Variants in SUPT3H observed in about 807,000 individuals in gnomAD.
SUPT3H encodes the protein transcription initiation protein SPT3 homolog.
Under a neutral mutation model 44.3 loss-of-function variants are expected in SUPT3H, and 44 were observed. The ratio of observed to expected loss-of-function variants is 0.99; its 90% CI spans 0.78 to 1.28. The LOEUF (loss-of-function observed/expected upper bound fraction) is 1.28, where lower values mean the gene tolerates loss of function less well. SUPT3H is among the 50% of genes most tolerant of loss of function. The pLI is 0.00. For synonymous variants in SUPT3H, 124 were observed against 125.6 expected (o/e 0.99, Z 0.09); for missense variants, 380 against 387.1 (o/e 0.98, Z 0.15).
chr6:45,091,286 T>G (rs1329614354), intron 3 of SUPT3H, among the ~76,000 whole-genome samples: 1 of 152,150 alleles, frequency 6.6e-6, no homozygotes, highest in African/African-American at 2.4e-5. Flanking sequence ...AAAAGAAGAT[T>G]GTGCTTACCT....
At chr6:45,063,521 A>C (rs537575728) in intron 3 of SUPT3H, among the ~76,000 whole-genome samples, 14,562 of 117,754 alleles carry the variant, frequency 0.12, 801 homozygotes, top group East Asian at 0.22. Context: ...GAGCTATGGG[A>C]GGACATTCAA....
chr6:45,015,292 T>C (rs1038708506), intron 4 of SUPT3H, among the ~76,000 whole-genome samples: 3 of 152,138 alleles, frequency 2.0e-5, no homozygotes, highest in Admixed American at 1.3e-4. Flanking sequence ...CAAACTGGTA[T>C]GCAAGGGTAA....
intron 3 of SUPT3H, among the ~76,000 whole-genome samples, chr6:45,043,974 T>C (rs1205259331): frequency 1.3e-5 from 2 of 152,210 alleles, no homozygotes; most frequent in Non-Finnish European, 1.5e-5. Flanking sequence ...AATTTATTAA[T>C]TTCAGGTATG....
At chr6:44,953,900 C>CT (rs935484221) in intron 8 of SUPT3H, among the ~76,000 whole-genome samples, 20 of 151,760 alleles carry the variant, frequency 1.3e-4, no homozygotes, top group African/African-American at 4.1e-4. Flanking sequence ...GCCCGGCTAA[C>CT]TTTTTTTTGG....
chr6:45,019,860 A>G (rs1189373877), intron 4 of SUPT3H, among the ~76,000 whole-genome samples: 1 of 151,944 alleles, frequency 6.6e-6, no homozygotes, highest in Non-Finnish European at 1.5e-5. Context: ...AATAGTGAAG[A>G]TTTTCATTTT....
In SUPT3H at chr6:45,095,263, A is replaced by G. The variant is rs1171298601; in HGVS notation, c.186+10659T>C. On this transcript the variant is annotated intron_variant, in intron 3 of 10. Coordinates refer to ENST00000371459, the MANE Select transcript of SUPT3H (RefSeq NM_003599.4). This position sits in a 1 kb window ranked among gnomAD's most constrained non-coding sequence, Gnocchi z 4.1. ...AATTATATTAGTTTGTCCTATTTTG[A>G]TAACCCTTATAATTGAAATTCTACA... 6.6e-6 allele frequency among the ~76,000 whole-genome samples: 1 copy of G among 152,114 alleles called. No homozygotes were observed. The highest frequency in any genetic ancestry group is 2.4e-5 in the African/African-American group (1 of 41,430).
At chr6:45,248,644 G>T (rs959023761) in intron 2 of SUPT3H, among the ~76,000 whole-genome samples, 1 of 152,042 alleles carries the variant, frequency 6.6e-6, no homozygotes, top group Admixed American at 6.6e-5. Flanking sequence ...CATTGGTCAG[G>T]CGTGGCTCTT....
rs1583143329 is a variant in SUPT3H at position 45,027,273 on chromosome 6, G to A, written c.187-6641C>T. Among the ~76,000 whole-genome samples the A allele has an allele frequency of 5.3e-5, 8 of 152,178 alleles. 1 individual carries two copies. The highest frequency in any genetic ancestry group is 2.1e-4 in the South Asian group (1 of 4,822). On this transcript the variant is annotated intron_variant, in intron 3 of 10. Coordinates refer to ENST00000371459, the MANE Select transcript of SUPT3H (RefSeq NM_003599.4). ...CCCAAAGTGCTGGGATTACAGGCAC[G>A]TAGGAGCTACCGTGCCCAGACTGGA...
chr6:44,877,468 CAA>C (rs5875897), intron 10 of SUPT3H, among the ~76,000 whole-genome samples: 2,704 of 122,428 alleles, frequency 0.022, 68 homozygotes, highest in African/African-American at 0.077. Flanking sequence ...GACTCAGTCT[CAA>C]AAAAAAAAAA....
At chr6:45,262,183 C>G (rs1774480320) in intron 2 of SUPT3H, among the ~76,000 whole-genome samples, 1 of 152,106 alleles carries the variant, frequency 6.6e-6, no homozygotes, top group Non-Finnish European at 1.5e-5. Context: ...CTATTCCTAT[C>G]AAACCACCAA....
intron 10 of SUPT3H, among the ~76,000 whole-genome samples, chr6:44,834,516 A>C (rs1211990041): frequency 6.6e-6 from 1 of 152,204 alleles, no homozygotes; most frequent in Non-Finnish European, 1.5e-5. Flanking sequence ...TTGGAAACTA[A>C]GCCTGCTAAA....
chr6:44,840,651 C>T (rs1770788635), intron 10 of SUPT3H, among the ~76,000 whole-genome samples: 2 of 152,176 alleles, frequency 1.3e-5, no homozygotes, highest in South Asian at 4.1e-4. Flanking sequence ...CAGAACATGT[C>T]TATAAACAAA....
chr6:45,157,659 C>T (rs1181311691), intron 2 of SUPT3H, among the ~76,000 whole-genome samples: 6 of 151,924 alleles, frequency 3.9e-5, no homozygotes, highest in African/African-American at 9.7e-5. Context: ...AGCTATTCTC[C>T]TGCCTCAGCC....
intron 2 of SUPT3H, among the ~76,000 whole-genome samples, chr6:45,295,527 A>G: frequency 7.5e-6 from 1 of 132,824 alleles, no homozygotes; most frequent in Non-Finnish European, 1.6e-5. Flanking sequence ...TGCACAGCAA[A>G]AAAAAAAAAA....
chr6:45,357,070 G>T (rs527667674), intron 2 of SUPT3H, among the ~76,000 whole-genome samples: 1 of 152,022 alleles, frequency 6.6e-6, no homozygotes, highest in East Asian at 1.9e-4. Flanking sequence ...GCAGTGGCAC[G>T]ATCTCGGCTC....
chr6:45,130,089 A>G (rs1803193663), intron 2 of SUPT3H, among the ~76,000 whole-genome samples: 1 of 152,224 alleles, frequency 6.6e-6, no homozygotes, highest in African/African-American at 2.4e-5. Flanking sequence ...CTGGACATTC[A>G]CAGAGTTGTG....
chr6:44,828,308 A>G lies in SUPT3H; in HGVS notation c.*1508T>C, dbSNP rs1450443956. Among the ~76,000 whole-genome samples, 1 of 152,200 alleles carries G rather than the reference A, an allele frequency of 6.6e-6. No homozygotes were observed. The highest frequency in any genetic ancestry group is 1.5e-5 in the Non-Finnish European group (1 of 68,004). ...ACATTTTAACAAGCATAGATGGAAC[A>G]TCAAAATCCTTTGGGAATATTTTGA... On this transcript the variant is annotated 3_prime_UTR_variant, in exon 11 of 11. Coordinates refer to ENST00000371459, the MANE Select transcript of SUPT3H (RefSeq NM_003599.4).
intron 10 of SUPT3H, among the ~76,000 whole-genome samples, chr6:44,889,682 T>C (rs771203096): frequency 0.047 from 7,134 of 151,850 alleles, 238 homozygotes; most frequent in South Asian, 0.13. Flanking sequence ...TAGGCATTAC[T>C]ATTCAGGACA....
At chr6:45,048,554 A>G (rs1789792914) in intron 3 of SUPT3H, among the ~76,000 whole-genome samples, 1 of 152,176 alleles carries the variant, frequency 6.6e-6, no homozygotes, top group Non-Finnish European at 1.5e-5. Context: ...GTACATATTC[A>G]AAAGAAGTAA....
Sources: gnomAD v4.1 joint callset for allele counts (sites outside exome capture counted in the v4.1 genomes callset) on GRCh38, gnomAD v4.1.1 for gene constraint, Gnocchi (gnomAD v3.1) non-coding constraint, MANE v1.5 for transcripts, NCBI Gene and HGNC (gene_info 2026-07-23, HGNC 2026-07-21) for gene names.